The following DLGAP4 variants were observed in gnomAD, a reference collection of about 807,000 sequenced individuals.
DLGAP4 encodes DLG associated protein 4.
Under a neutral mutation model 86.9 loss-of-function variants are expected in DLGAP4, and 18 were observed. The ratio of observed to expected loss-of-function variants is 0.21; its 90% CI spans 0.14 to 0.31. DLGAP4 has a LOEUF of 0.31. Among genes scored for constraint, DLGAP4 ranks in the 10% least tolerant of loss-of-function variants. DLGAP4 has a pLI of 1.00. For missense variants in DLGAP4, 1,085 were observed against 1,362.6 expected (o/e 0.80, Z 3.21); for synonymous variants, 548 against 574.3 (o/e 0.95, Z 0.65).
At chr20:36,515,742 T>C (rs2037000503) in intron 10 of DLGAP4, among the ~76,000 whole-genome samples, 1 of 152,202 alleles carries the variant, frequency 6.6e-6, no homozygotes. Flanking sequence ...CTGAGGTGCC[T>C]TTTTTCCTCT....
intron 2 of DLGAP4, among the ~76,000 whole-genome samples, chr20:36,378,110 G>C (rs2031229730): frequency 6.6e-6 from 1 of 152,184 alleles, no homozygotes; most frequent in African/African-American, 2.4e-5. Context: ...GGCAGCAGGA[G>C]TTGCAAGGGG....
At chr20:36,312,224 G>A (rs896727551) in intron 1 of DLGAP4, among the ~76,000 whole-genome samples, 38 of 152,308 alleles carry the variant, frequency 2.5e-4, no homozygotes, top group East Asian at 2.1e-3. Context: ...GGCTTCTCAC[G>A]GGGCACGTGG....
intron 10 of DLGAP4, among the ~76,000 whole-genome samples, chr20:36,509,437 G>A (rs2036563721): frequency 6.6e-6 from 1 of 152,028 alleles, no homozygotes; most frequent in Non-Finnish European, 1.5e-5. Flanking sequence ...CGGGCGTGGT[G>A]GCAGGCGCCT....
Position 36,440,890 on chromosome 20 carries a change from G to A in DLGAP4, c.1356+1022G>A, listed in dbSNP as rs953031566. On this transcript the variant is annotated intron_variant, in intron 5 of 12. Coordinates refer to ENST00000339266, the MANE Select transcript of DLGAP4 (RefSeq NM_001365621.2). The stretch of plus-strand genomic sequence containing the variant: ...CCACTGTGTGCAGGCCCAGGACCAC[G>A]GCTAGAGGACTGCTTAGAAGGCTTT... 3.3e-5 allele frequency among the ~76,000 whole-genome samples: 5 copies of A among 152,018 alleles called. 1 individual carries two copies. The highest frequency in any genetic ancestry group is 3.3e-4 in the Admixed American group (5 of 15,260).
intron 1 of DLGAP4, among the ~76,000 whole-genome samples, chr20:36,325,937 T>C (rs1056015606): frequency 9.2e-5 from 14 of 152,026 alleles, no homozygotes; most frequent in Non-Finnish European, 1.9e-4. Context: ...AGACTGGTCT[T>C]GAACTCCTGA....
chr20:36,310,910 T>C (rs895742176), intron 1 of DLGAP4, among the ~76,000 whole-genome samples: 4 of 152,210 alleles, frequency 2.6e-5, no homozygotes, highest in African/African-American at 9.6e-5. Flanking sequence ...ACAAGCCCAC[T>C]TCCTACTTTA....
chr20:36,458,652 T>C (rs2033944918), intron 7 of DLGAP4, among the ~76,000 whole-genome samples: 1 of 151,782 alleles, frequency 6.6e-6, no homozygotes, highest in Admixed American at 6.6e-5. Context: ...TGAGCCGAGA[T>C]TGCGCCACTG....
At chr20:36,316,215 C>T (rs891061743) in intron 1 of DLGAP4, among the ~76,000 whole-genome samples, 6 of 152,174 alleles carry the variant, frequency 3.9e-5, no homozygotes, top group Admixed American at 3.3e-4. Context: ...GCGTCCTCCA[C>T]GCAGGTTAAG....
intron 1 of DLGAP4, among the ~76,000 whole-genome samples, chr20:36,337,251 C>T (rs1185083054): frequency 1.3e-5 from 2 of 151,506 alleles, no homozygotes; most frequent in Non-Finnish European, 2.9e-5. Context: ...CCAGAACCAA[C>T]AGGATGTTTT....
intron 2 of DLGAP4, among the ~76,000 whole-genome samples, chr20:36,382,924 A>T (rs568893741): frequency 6.6e-6 from 1 of 152,280 alleles, no homozygotes; most frequent in Admixed American, 6.5e-5. Flanking sequence ...ACTCAACATG[A>T]GCAGTGATCA....
intron 1 of DLGAP4, among the ~76,000 whole-genome samples, chr20:36,315,044 T>TG (rs2065084888): frequency 5.0e-4 from 1 of 1,982 alleles, no homozygotes; most frequent in African/African-American, 1.9e-3. Flanking sequence ...GTGTGTGGTG[T>TG]GTTGCGCCCC....
At chr20:36,453,934 CAAA>C (rs1194294335) in intron 7 of DLGAP4, among the ~76,000 whole-genome samples, 391 of 42,648 alleles carry the variant, frequency 9.2e-3, no homozygotes, top group African/African-American at 0.032. Context: ...ACTCTGTCTC[CAAA>C]AAAAAAAAAA....
chr20:36,338,359 C>T (rs1380149817), intron 1 of DLGAP4, among the ~76,000 whole-genome samples: 1 of 152,098 alleles, frequency 6.6e-6, no homozygotes, highest in African/African-American at 2.4e-5. Context: ...GTCGGGAGTT[C>T]AAGACCAGCC....
chr20:36,525,746 C>T (rs188216224), intron 11 of DLGAP4, 105 bp from the exon 12 acceptor site: 56 of 1,502,288 alleles, frequency 3.7e-5, no homozygotes, highest in East Asian at 1.6e-4. Context: ...CAAGAGCCCC[C>T]GCGGGTGCTG....
chr20:36,448,646 A>G (rs967444895), intron 7 of DLGAP4, among the ~76,000 whole-genome samples: 2 of 152,110 alleles, frequency 1.3e-5, no homozygotes, highest in Non-Finnish European at 2.9e-5. Flanking sequence ...ATCAAAAACA[A>G]TTGGGGGCTG....
intron 7 of DLGAP4, among the ~76,000 whole-genome samples, chr20:36,469,134 CTG>C (rs1463037107): frequency 1.3e-5 from 2 of 152,228 alleles, no homozygotes; most frequent in Admixed American, 1.3e-4. Flanking sequence ...ACCAAGCTCA[CTG>C]TGGCTGAGCT....
intron 2 of DLGAP4, among the ~76,000 whole-genome samples, chr20:36,380,246 C>CAA (rs869027808): frequency 0.039 from 4,882 of 124,408 alleles, 273 homozygotes; most frequent in African/African-American, 0.13. Context: ...ACAAAAAATA[C>CAA]AAAAAAAAAA....
At chr20:36,366,192 T>A (rs565219643) in intron 1 of DLGAP4, among the ~76,000 whole-genome samples, 2 of 152,294 alleles carry the variant, frequency 1.3e-5, no homozygotes, top group Admixed American at 6.5e-5. Context: ...CCATCTCGGC[T>A]CACTGCAACC....
At chr20:36,429,117 T>C (rs778707475) in intron 2 of DLGAP4, among the ~76,000 whole-genome samples, 2 of 152,246 alleles carry the variant, frequency 1.3e-5, no homozygotes, top group Non-Finnish European at 2.9e-5. Flanking sequence ...TCTCACTCTG[T>C]TGCCCAGGCT....
Sources: allele counts gnomAD v4.1 joint callset (sites outside exome capture counted in the v4.1 genomes callset), GRCh38; gene constraint gnomAD v4.1.1; transcripts MANE v1.5; gene names NCBI Gene and HGNC (gene_info 2026-07-23, HGNC 2026-07-21).